The following ADGRL3 variants were observed in gnomAD, a reference collection of about 807,000 sequenced individuals.
ADGRL3 encodes the protein calcium-independent alpha-latrotoxin receptor 3.
ADGRL3 carries 62 observed loss-of-function variants against 153.5 expected under a neutral mutation model. That is an observed-to-expected ratio of 0.40 (90% CI 0.33 to 0.50). The LOEUF is 0.50. Ranked by LOEUF, ADGRL3 falls within the 20% of genes least tolerant of loss-of-function variation. The pLI, the probability that ADGRL3 is intolerant of heterozygous loss-of-function variation, is 0.47. For missense variants in ADGRL3, 1,641 were observed against 1,859.4 expected (o/e 0.88, Z 2.16); for synonymous variants, 710 against 672.5 (o/e 1.06, Z -0.86).
intron 8 of ADGRL3, among the ~76,000 whole-genome samples, chr4:61,777,238 C>A (rs2097162679): frequency 6.6e-6 from 1 of 151,756 alleles, no homozygotes; most frequent in Non-Finnish European, 1.5e-5. Flanking sequence ...GAGGCTGAGG[C>A]AGGAGAATGG....
intron 4 of ADGRL3, among the ~76,000 whole-genome samples, chr4:61,563,279 G>A (rs1308878391): frequency 6.6e-6 from 1 of 152,020 alleles, no homozygotes; most frequent in East Asian, 1.9e-4. Context: ...TTTTCTCTGA[G>A]AAGTAGGTCT....
chr4:61,240,388 C>CCATA (rs1754451459), intron 1 of ADGRL3, among the ~76,000 whole-genome samples: 2 of 152,000 alleles, frequency 1.3e-5, no homozygotes, highest in African/African-American at 4.8e-5. Flanking sequence ...TACATACAAC[C>CCATA]CATACCATAG....
At chr4:61,206,932 AAGATCGTGTC>A (rs1199542387) in intron 1 of ADGRL3, among the ~76,000 whole-genome samples, 1 of 151,996 alleles carries the variant, frequency 6.6e-6, no homozygotes, top group Non-Finnish European at 1.5e-5. Context: ...GCAGTGAGCC[AAGATCGTGTC>A]ACTGCACTCC....
chr4:61,206,058 C>G (rs963988036), intron 1 of ADGRL3, among the ~76,000 whole-genome samples: 2 of 152,074 alleles, frequency 1.3e-5, no homozygotes, highest in African/African-American at 4.8e-5. Flanking sequence ...AATTGAACTT[C>G]TTTATTTATT....
At chr4:61,416,548 C>G (rs1187638131) in intron 2 of ADGRL3, among the ~76,000 whole-genome samples, 2 of 151,986 alleles carry the variant, frequency 1.3e-5, no homozygotes, top group Non-Finnish European at 2.9e-5. Flanking sequence ...TTGCAACAAG[C>G]CAAGTAAAAG....
At chr4:62,032,991 A>C (rs1722962169) in intron 23 of ADGRL3, among the ~76,000 whole-genome samples, 2 of 151,778 alleles carry the variant, frequency 1.3e-5, no homozygotes, top group Admixed American at 1.3e-4. Flanking sequence ...ATTTAAAAAA[A>C]TAAAAACAAA....
chr4:61,440,844 T>C (rs899266430), intron 2 of ADGRL3, among the ~76,000 whole-genome samples: 1 of 152,172 alleles, frequency 6.6e-6, no homozygotes, highest in African/African-American at 2.4e-5. Flanking sequence ...AATAACAGAA[T>C]TACAATTAAC....
chr4:61,279,492 C>T (rs1310611551), intron 1 of ADGRL3, among the ~76,000 whole-genome samples: 2 of 152,096 alleles, frequency 1.3e-5, no homozygotes, highest in Admixed American at 1.3e-4. Flanking sequence ...TCAAGGGAAG[C>T]ATCTTTAAAT....
intron 5 of ADGRL3, among the ~76,000 whole-genome samples, chr4:61,613,316 A>C (rs1416841597): frequency 6.6e-6 from 1 of 152,162 alleles, no homozygotes. Flanking sequence ...TCTTGTTTTG[A>C]ATATTTTGCT....
intron 1 of ADGRL3, among the ~76,000 whole-genome samples, chr4:61,249,820 C>T (rs532910243): frequency 6.6e-6 from 1 of 152,262 alleles, no homozygotes; most frequent in South Asian, 2.1e-4. Flanking sequence ...GTGGCTTTCT[C>T]ATGGTAGTTT....
chr4:61,724,108 T>TACAATC (rs2096285411), intron 6 of ADGRL3, among the ~76,000 whole-genome samples: 1 of 152,208 alleles, frequency 6.6e-6, no homozygotes, highest in South Asian at 2.1e-4. Context: ...TTTAGTCTTA[T>TACAATC]ACAATCTGAG....
chr4:61,541,804 T>A (rs1037795559), intron 4 of ADGRL3, among the ~76,000 whole-genome samples: 3 of 150,098 alleles, frequency 2.0e-5, no homozygotes, highest in Non-Finnish European at 4.4e-5. Context: ...ACCAGGCAAG[T>A]GAATTTTTTG....
chr4:61,768,771 C>T (rs984009263), intron 8 of ADGRL3, among the ~76,000 whole-genome samples: 1 of 151,666 alleles, frequency 6.6e-6, no homozygotes, highest in African/African-American at 2.4e-5. Flanking sequence ...AGGAGGCAAG[C>T]CCAGAGAAAA....
chr4:61,686,484 A>G (rs1447734269), intron 6 of ADGRL3, among the ~76,000 whole-genome samples: 2 of 152,146 alleles, frequency 1.3e-5, no homozygotes, highest in Non-Finnish European at 1.5e-5. Context: ...CATCATTCAA[A>G]TACTTATTTA....
At chr4:61,730,038 A>G (rs1299773196) in intron 6 of ADGRL3, among the ~76,000 whole-genome samples, 1 of 151,942 alleles carries the variant, frequency 6.6e-6, no homozygotes, top group Non-Finnish European at 1.5e-5. Flanking sequence ...AAGGATTCCA[A>G]ATCAATTTAT....
chr4:61,852,369 C>T (rs1376350702), intron 9 of ADGRL3, among the ~76,000 whole-genome samples: 2 of 151,546 alleles, frequency 1.3e-5, no homozygotes, highest in African/African-American at 4.9e-5. Flanking sequence ...GGCTGGAGTG[C>T]CGTGGCACAG....
chr4:61,681,650 A>G (rs1194920127), intron 6 of ADGRL3, among the ~76,000 whole-genome samples: 2 of 152,112 alleles, frequency 1.3e-5, no homozygotes, highest in East Asian at 3.9e-4. Flanking sequence ...ATAAATAATT[A>G]TGTAACTGTT....
intron 21 of ADGRL3, among the ~76,000 whole-genome samples, chr4:62,010,916 A>C (rs2099183260): frequency 6.6e-6 from 1 of 152,130 alleles, no homozygotes; most frequent in African/African-American, 2.4e-5. Context: ...CTTGGATTTT[A>C]AACTTTAGAA....
At chr4:62,007,847 G>A (rs2099167175) in intron 21 of ADGRL3, among the ~76,000 whole-genome samples, 1 of 152,018 alleles carries the variant, frequency 6.6e-6, no homozygotes, top group Non-Finnish European at 1.5e-5. Flanking sequence ...GGTAGATAGT[G>A]AAAATAAGAG....
Sources: allele counts gnomAD v4.1 joint callset (sites outside exome capture counted in the v4.1 genomes callset), GRCh38; gene constraint gnomAD v4.1.1; transcripts MANE v1.5; gene names NCBI Gene and HGNC (gene_info 2026-07-23, HGNC 2026-07-21).